The following ANGPTL2 variants were observed in gnomAD, a reference collection of about 807,000 sequenced individuals.
ANGPTL2 encodes angiopoietin like 2.
ANGPTL2 carries 25 observed loss-of-function variants against 52.8 expected under a neutral mutation model. The ratio of observed to expected loss-of-function variants is 0.47; its 90% CI spans 0.35 to 0.66. ANGPTL2 has a LOEUF of 0.66. Ranked by LOEUF, ANGPTL2 falls within the 30% of genes least tolerant of loss-of-function variation. The pLI, the probability that ANGPTL2 is intolerant of heterozygous loss-of-function variation, is 0.01. For missense variants in ANGPTL2, 546 were observed against 656.9 expected (o/e 0.83, Z 1.84); for synonymous variants, 276 against 277.4 (o/e 1.00, Z 0.05).
intron 2 of ANGPTL2, among the ~76,000 whole-genome samples, chr9:127,101,108 G>T (rs1404117205): frequency 6.6e-6 from 1 of 152,100 alleles, no homozygotes; most frequent in African/African-American, 2.4e-5. Flanking sequence ...CCCAACCCCA[G>T]GAAAGCTACT....
At chr9:127,118,581 G>A (rs144596571) in intron 1 of ANGPTL2, among the ~76,000 whole-genome samples, 1 of 152,338 alleles carries the variant, frequency 6.6e-6, no homozygotes, top group Non-Finnish European at 1.5e-5. Context: ...TGGGAGAGGT[G>A]CTGCACCCTG....
chr9:127,108,588 G>C lies in ANGPTL2; in HGVS notation c.144C>G (p.Gly48=), dbSNP rs878915732. The C allele has an allele frequency of 1.9e-6, 3 of 1,613,430 alleles. No individual in the cohort carries two copies. The highest frequency in any genetic ancestry group is 2.5e-6 in the Non-Finnish European group (3 of 1,179,848). ...FIYLNRYKRA[G]ESQDKCTYTF... The stretch of plus-strand genomic sequence containing the variant: ...TGTAGGTGCACTTGTCCTGGGACTC[G>C]CCCGCCCGCTTGTACCTGTTTAGGT... The change falls in exon 2 of 5, where the codon GGC becomes GGG. Residue 48 remains glycine (G), a synonymous_variant. Transcript: ENST00000373425.
Position 127,088,889 on chromosome 9 carries a change from C to G in ANGPTL2, c.*50G>C, listed in dbSNP as rs768536442. ...TTCTTTGTGCTGTGGCCAGCGTGAC[C>G]AGGGTGGGCTCCTGGCAATGGCCAC... is the stretch of plus-strand genomic sequence containing the variant. On this transcript the variant is annotated 3_prime_UTR_variant, in exon 5 of 5. Coordinates refer to ENST00000373425, the MANE Select transcript of ANGPTL2 (RefSeq NM_012098.3). 1 of 1,608,066 alleles carries G rather than the reference C, an allele frequency of 6.2e-7. No homozygotes were observed. Among genetic ancestry groups the G allele is most frequent in the East Asian group, 2.2e-5 (1 of 44,846 alleles).
At chr9:127,101,907 A>AT (rs949240003) in intron 2 of ANGPTL2, among the ~76,000 whole-genome samples, 15 of 151,578 alleles carry the variant, frequency 9.9e-5, no homozygotes, top group African/African-American at 1.9e-4. Context: ...AAAGTAACTT[A>AT]TTTTTTTTTA....
intron 2 of ANGPTL2, 128 bp from the exon 3 acceptor site, chr9:127,094,054 T>C: frequency 9.5e-7 from 1 of 1,048,886 alleles, no homozygotes; most frequent in Non-Finnish European, 1.3e-6. Flanking sequence ...CGGTCTGAGG[T>C]AACCAATTTT....
At chr9:127,095,526 G>A (rs1428716173) in intron 2 of ANGPTL2, among the ~76,000 whole-genome samples, 1 of 152,264 alleles carries the variant, frequency 6.6e-6, no homozygotes, top group African/African-American at 2.4e-5. Flanking sequence ...TTGAGTCCCA[G>A]CCTCTGCAGA....
chr9:127,102,792 A>G (rs1041112272), intron 2 of ANGPTL2, among the ~76,000 whole-genome samples: 1 of 152,370 alleles, frequency 6.6e-6, no homozygotes, highest in East Asian at 1.9e-4. Flanking sequence ...AGAAGCTAGC[A>G]AAGAGTGCTC....
intron 1 of ANGPTL2, among the ~76,000 whole-genome samples, chr9:127,118,753 GC>G (rs1190587842): frequency 6.6e-6 from 1 of 152,218 alleles, no homozygotes; most frequent in Non-Finnish European, 1.5e-5. Flanking sequence ...ATGAAGCAGA[GC>G]CCCTCCCCCA....
At chr9:127,089,205 A>G in intron 4 of ANGPTL2, 67 bp from the exon 5 acceptor site, 1 of 1,554,716 alleles carries the variant, frequency 6.4e-7, no homozygotes, top group Non-Finnish European at 8.9e-7. Flanking sequence ...CATAGTGCTC[A>G]GGGCTTTCGG....
chr9:127,119,567 A>G (rs2055826828), intron 1 of ANGPTL2, among the ~76,000 whole-genome samples: 1 of 152,222 alleles, frequency 6.6e-6, no homozygotes, highest in African/African-American at 2.4e-5. Context: ...GTAAAATGGG[A>G]TGCTAAAACT....
At chr9:127,094,676 AG>A (rs1347488936) in intron 2 of ANGPTL2, among the ~76,000 whole-genome samples, 1 of 152,222 alleles carries the variant, frequency 6.6e-6, no homozygotes, top group African/African-American at 2.4e-5. Flanking sequence ...TTCCAAAGGA[AG>A]CTCAGTGAGG....
intron 2 of ANGPTL2, among the ~76,000 whole-genome samples, chr9:127,104,504 G>A (rs2054032901): frequency 6.6e-6 from 1 of 152,248 alleles, no homozygotes; most frequent in Admixed American, 6.5e-5. Context: ...CCTCATCACA[G>A]AATCATCCTA....
Position 127,089,019 on chromosome 9 carries a change from A to C in ANGPTL2, c.1402T>G (p.Trp468Gly), listed in dbSNP as rs1589401851. The stretch of plus-strand genomic sequence containing the variant: ...TAAGAGCCTCCTCGGAACTCAGCCC[A>C]GTAGACTCCGTCCTGGTAGCGGCTC... The part of the protein sequence containing the change: ...YRSRYQDGVY[W>G]AEFRGGSYSL... The change falls in exon 5 of 5, where the codon TGG becomes GGG. Residue 468 changes from tryptophan (W) to glycine (G), a missense_variant. Transcript: ENST00000373425. The C allele has an allele frequency of 6.2e-7, 1 of 1,614,224 alleles. No homozygotes were observed. Among genetic ancestry groups the C allele is most frequent in the Non-Finnish European group, 8.5e-7 (1 of 1,180,034 alleles).
At chr9:127,107,348 C>A (rs999449154) in intron 2 of ANGPTL2, among the ~76,000 whole-genome samples, 2 of 152,122 alleles carry the variant, frequency 1.3e-5, no homozygotes, top group African/African-American at 4.8e-5. Context: ...TAAGATGAAA[C>A]GTGTATGTAA....
Position 127,108,787 on chromosome 9 carries a change from G to A in ANGPTL2, c.-49-7C>T. 1.3e-6 allele frequency: 2 copies of A among 1,516,610 alleles called. No homozygotes were observed. The highest frequency in any genetic ancestry group is 1.8e-6 in the Non-Finnish European group (2 of 1,126,848). 93.9% of individuals were successfully genotyped at this position (1,516,610 alleles called of 1,614,324 possible). On this transcript the variant is annotated splice_region_variant and splice_polypyrimidine_tract_variant and intron_variant, in intron 1 of 4. Transcript: ENST00000373425. ...GAATAGAATCTATGAAAGCCTGAAA[G>A]TAAACAGAGGGGAGAATCAGTGATG...
intron 1 of ANGPTL2, among the ~76,000 whole-genome samples, chr9:127,121,021 C>A (rs556693377): frequency 6.6e-6 from 1 of 150,896 alleles, no homozygotes; most frequent in Non-Finnish European, 1.5e-5. Flanking sequence ...TGAGTGGCTC[C>A]GGAGCCACAC....
rs192924638 is a variant in ANGPTL2 at position 127,117,461 on chromosome 9, G to A, written c.-50+4854C>T. 2.0e-4 allele frequency among the ~76,000 whole-genome samples: 30 copies of A among 152,346 alleles called. No individual in the cohort carries two copies. The East Asian group carries it at 5.6e-3, about 28-fold the overall frequency. On this transcript the variant is annotated intron_variant, in intron 1 of 4. Transcript: ENST00000373425. Reference sequence around the variant, plus strand: ...CCAGCCACTGTGCCAGCGGCTGGAGGTAGAACAGGAACAAGGTGGGTGAGG... The same window carrying A: ...CCAGCCACTGTGCCAGCGGCTGGAGATAGAACAGGAACAAGGTGGGTGAGG...
Position 127,091,574 on chromosome 9 carries a change from G to C in ANGPTL2, c.1282+96C>G. ...CTTGGCCCAGCTGCTTCTCACCCTG[G>C]GATCTTCCCGTTTCCAAGCCCTGGA... On this transcript the variant is annotated intron_variant, in intron 4 of 4. Transcript: ENST00000373425. The surrounding 1 kb of genome is among the most constrained non-coding windows in gnomAD (Gnocchi z 4.3). 2.0e-6 allele frequency: 3 copies of C among 1,500,922 alleles called. No homozygotes were observed. Among genetic ancestry groups the C allele is most frequent in the Non-Finnish European group, 2.7e-6 (3 of 1,117,716 alleles). The allele number at this position is 1,500,922 out of a possible 1,614,324, so 93.0% of individuals were successfully genotyped here.
chr9:127,111,421 C>G (rs1393121469), intron 1 of ANGPTL2, among the ~76,000 whole-genome samples: 1 of 152,174 alleles, frequency 6.6e-6, no homozygotes, highest in Non-Finnish European at 1.5e-5. Flanking sequence ...ATGTGCAGTG[C>G]CTACCACGTG....
Sources: allele counts gnomAD v4.1 joint callset (sites outside exome capture counted in the v4.1 genomes callset), GRCh38; gene constraint gnomAD v4.1.1; non-coding constraint Gnocchi (gnomAD v3.1); transcripts MANE v1.5; gene names NCBI Gene and HGNC (gene_info 2026-07-23, HGNC 2026-07-21).